Variants in NFIB observed in about 807,000 individuals in gnomAD.
The protein encoded by NFIB is nuclear factor 1 B-type.
In NFIB, 11 loss-of-function variants were observed where a neutral mutation model predicts 61.5. That is an observed-to-expected ratio of 0.18 (90% CI 0.11 to 0.30). The LOEUF (loss-of-function observed/expected upper bound fraction) is 0.30, where lower values mean the gene tolerates loss of function less well. Ranked by LOEUF, NFIB falls within the 10% of genes least tolerant of loss-of-function variation. NFIB has a pLI of 1.00. For synonymous variants in NFIB, 260 were observed against 216.5 expected (o/e 1.20, Z -1.76); for missense variants, 471 against 608.9 (o/e 0.77, Z 2.38).
chr9:14,332,016 A>T (rs2060826366), intron 1 of NFIB, among the ~76,000 whole-genome samples: 1 of 152,120 alleles, frequency 6.6e-6, no homozygotes, highest in South Asian at 2.1e-4. Context: ...CTGTGATAGC[A>T]TTTATTTGCA....
intron 3 of NFIB, among the ~76,000 whole-genome samples, chr9:14,167,172 GA>G (rs2044938447): frequency 6.6e-6 from 1 of 151,740 alleles, no homozygotes; most frequent in African/African-American, 2.4e-5. Flanking sequence ...ATCTGAAGAT[GA>G]GGGTAGACGA....
chr9:14,356,965 G>A lies in NFIB; in HGVS notation c.108+41559C>T, dbSNP rs1277087678. 3.3e-5 allele frequency among the ~76,000 whole-genome samples: 5 copies of A among 152,330 alleles called. No individual in the cohort carries two copies. The South Asian group carries it at 1.0e-3, about 32-fold the overall frequency. ...AGCGGAATGTTTGGTCAGGAGGTCT[G>A]CTTTTCTAGTTCTATTTCTGCTCAG... is the stretch of plus-strand genomic sequence containing the variant. On this transcript the variant is annotated intron_variant, in intron 1 of 8. Coordinates refer to the NFIB transcript ENST00000380934.
chr9:14,361,363 T>C (rs1474383335), intron 1 of NFIB: 2 of 152,092 alleles, frequency 1.3e-5, no homozygotes, highest in Non-Finnish European at 2.9e-5. Context: ...CACCCACTTG[T>C]CTTGGTTTAA....
At chr9:14,195,953 T>C (rs767977285) in intron 2 of NFIB, among the ~76,000 whole-genome samples, 8 of 152,132 alleles carry the variant, frequency 5.3e-5, no homozygotes, top group Non-Finnish European at 8.8e-5. Context: ...AGTTCCCTAT[T>C]AATATCATCC....
the NFIB span, among the ~76,000 whole-genome samples, chr9:14,456,209 A>G: frequency 2.1e-4 from 32 of 149,016 alleles, no homozygotes; most frequent in African/African-American, 7.6e-4. Flanking sequence ...ACTACTTGGC[A>G]TTTTTTTTTT....
At chr9:14,434,775 C>A in the NFIB span, among the ~76,000 whole-genome samples, 1 of 152,222 alleles carries the variant, frequency 6.6e-6, no homozygotes, top group East Asian at 1.9e-4. Context: ...AAGTAGTCTA[C>A]ACAAGATATT....
intron 1 of NFIB, among the ~76,000 whole-genome samples, chr9:14,388,393 AAG>A (rs2061577774): frequency 7.6e-5 from 1 of 13,202 alleles, no homozygotes; most frequent in African/African-American, 2.3e-4. Context: ...GGAAGGAAGG[AAG>A]GAAGGAAGGA....
chr9:14,315,044 G>A (rs1278998020), upstream of NFIB, among the ~76,000 whole-genome samples: 3 of 151,864 alleles, frequency 2.0e-5, no homozygotes, highest in East Asian at 2.0e-4. Flanking sequence ...ACCCGGGGCG[G>A]GCTCAGTCCG....
intron 2 of NFIB, among the ~76,000 whole-genome samples, chr9:14,193,016 C>T (rs2048117846): frequency 6.6e-6 from 1 of 151,742 alleles, no homozygotes; most frequent in Non-Finnish European, 1.5e-5. Flanking sequence ...TGTTATGATT[C>T]TCATCTTTTA....
the NFIB span, among the ~76,000 whole-genome samples, chr9:14,501,280 C>A: frequency 1.3e-5 from 2 of 152,162 alleles, no homozygotes; most frequent in African/African-American, 4.8e-5. Flanking sequence ...ATTTTCCCTG[C>A]CCTTCAAAGA....
intron 2 of NFIB, among the ~76,000 whole-genome samples, chr9:14,289,125 T>TATGC (rs2058918032): frequency 6.9e-6 from 1 of 144,344 alleles, no homozygotes; most frequent in African/African-American, 2.5e-5. Flanking sequence ...TGTATATGTA[T>TATGC]ATATATATAT....
the NFIB span, among the ~76,000 whole-genome samples, chr9:14,414,592 C>T: frequency 7.2e-6 from 1 of 139,480 alleles, no homozygotes; most frequent in East Asian, 2.1e-4. Flanking sequence ...GCTTCCTTGT[C>T]TGTAAAACGG....
chr9:14,114,527 T>C (rs2037844510), intron 9 of NFIB, among the ~76,000 whole-genome samples: 1 of 152,370 alleles, frequency 6.6e-6, no homozygotes, highest in African/African-American at 2.4e-5. Flanking sequence ...CTACTCACTA[T>C]GTTTCTTTTA....
chr9:14,438,568 G>A, the NFIB span, among the ~76,000 whole-genome samples: 1 of 152,178 alleles, frequency 6.6e-6, no homozygotes, highest in African/African-American at 2.4e-5. Flanking sequence ...AAAGGGGGTG[G>A]TGGAGGTGGA....
chr9:14,421,040 G>C, the NFIB span, among the ~76,000 whole-genome samples: 1 of 136,302 alleles, frequency 7.3e-6, no homozygotes, highest in Non-Finnish European at 1.6e-5. Flanking sequence ...CAACTATTTT[G>C]TTACAAAATA....
chr9:14,385,703 T>C (rs1475928749), intron 1 of NFIB, among the ~76,000 whole-genome samples: 1 of 152,170 alleles, frequency 6.6e-6, no homozygotes, highest in Non-Finnish European at 1.5e-5. Context: ...TTGTAATCTT[T>C]TATAAATCAC....
chr9:14,304,314 T>G (rs531183167), intron 2 of NFIB, among the ~76,000 whole-genome samples: 1 of 152,238 alleles, frequency 6.6e-6, no homozygotes, highest in Admixed American at 6.5e-5. Flanking sequence ...AATGAAACTT[T>G]AGTACATGTT....
At chr9:14,403,041 A>G (rs992097337), upstream of NFIB, among the ~76,000 whole-genome samples, 7 of 152,228 alleles carry the variant, frequency 4.6e-5, no homozygotes, top group African/African-American at 1.7e-4. Context: ...TAATAGTCTC[A>G]GTCCTATTTA....
intron 2 of NFIB, among the ~76,000 whole-genome samples, chr9:14,293,349 A>G (rs2059220800): frequency 6.6e-6 from 1 of 152,194 alleles, no homozygotes; most frequent in South Asian, 2.1e-4. Context: ...AGTACTCTGT[A>G]TATATGCACG....
Sources: gnomAD v4.1 joint callset for allele counts (sites outside exome capture counted in the v4.1 genomes callset) on GRCh38, gnomAD v4.1.1 for gene constraint, MANE v1.5 for transcripts, NCBI Gene and HGNC (gene_info 2026-07-23, HGNC 2026-07-21) for gene names.